PCDH15: variants seen among roughly 807,000 people sequenced by gnomAD.
PCDH15 encodes the protein protocadherin related 15.
In PCDH15, 129 loss-of-function variants were observed where a neutral mutation model predicts 178.5. The ratio of observed to expected loss-of-function variants is 0.72; its 90% CI spans 0.63 to 0.84. The LOEUF is 0.84. PCDH15 is among the 40% of genes least tolerant of loss of function. The pLI is 0.00. For synonymous variants in PCDH15, 800 were observed against 732.0 expected (o/e 1.09, Z -1.50); for missense variants, 2,230 against 2,099.9 (o/e 1.06, Z -1.21).
chr10:54,094,056 T>C (rs2094651077), intron 15 of PCDH15, among the ~76,000 whole-genome samples: 1 of 152,174 alleles, frequency 6.6e-6, no homozygotes, highest in South Asian at 2.1e-4. Flanking sequence ...GGGGAGATTC[T>C]GGAGCCAGCT....
At chr10:54,341,153 C>T (rs1942147798) in intron 6 of PCDH15, among the ~76,000 whole-genome samples, 1 of 152,118 alleles carries the variant, frequency 6.6e-6, no homozygotes. Context: ...TGGTCCTCTC[C>T]TGCCCTGCTC....
intron 2 of PCDH15, among the ~76,000 whole-genome samples, chr10:55,055,992 A>C (rs186269015): frequency 6.6e-6 from 1 of 152,326 alleles, no homozygotes; most frequent in African/African-American, 2.4e-5. Flanking sequence ...CAAATATATT[A>C]ATCAGCGCCC....
At chr10:53,876,486 A>G (rs7086179) in intron 26 of PCDH15, among the ~76,000 whole-genome samples, 96,824 of 151,954 alleles carry the variant, frequency 0.64, 31,563 homozygotes, top group Middle Eastern at 0.78. Context: ...GCGCCCGGCC[A>G]ACTCTTGTAT....
intron 1 of PCDH15, among the ~76,000 whole-genome samples, chr10:55,310,716 C>A (rs905297480): frequency 6.6e-6 from 1 of 152,082 alleles, no homozygotes; most frequent in Non-Finnish European, 1.5e-5. Context: ...TTCATCATAT[C>A]CTTTTCAGGG....
At chr10:53,856,470 G>A (rs2078753468) in intron 28 of PCDH15, among the ~76,000 whole-genome samples, 1 of 151,960 alleles carries the variant, frequency 6.6e-6, no homozygotes, top group South Asian at 2.1e-4. Flanking sequence ...CATATATATT[G>A]CTTAATATTA....
Position 54,475,726 on chromosome 10 carries a change from T to C in PCDH15, c.157+52086A>G, listed in dbSNP as rs76517866. Among the ~76,000 whole-genome samples, 897 of 151,952 alleles carry C rather than the reference T, an allele frequency of 5.9e-3. 39 individuals carry two copies. In the East Asian group the frequency reaches 0.1, roughly 17 times the overall value. ...GGGCAAGAGATTTCTATTAGAAAAC[T>C]GGTATCTGTGATATTTATGGACATA... On this transcript the variant is annotated intron_variant, in intron 3 of 37. Coordinates refer to ENST00000644397, the MANE Select transcript of PCDH15 (RefSeq NM_001384140.1).
chr10:54,001,344 C>T (rs1288472117), intron 20 of PCDH15, among the ~76,000 whole-genome samples: 1 of 151,838 alleles, frequency 6.6e-6, no homozygotes, highest in East Asian at 1.9e-4. Context: ...AGTAGAAAGA[C>T]TAAATTATGA....
At chr10:55,285,827 T>C (rs541727707) in intron 1 of PCDH15, among the ~76,000 whole-genome samples, 2 of 152,104 alleles carry the variant, frequency 1.3e-5, no homozygotes, top group African/African-American at 4.8e-5. Context: ...GGTTCTGGAA[T>C]GGCAAGCTAT....
At chr10:54,730,682 A>C (rs1943213249) in intron 1 of PCDH15, among the ~76,000 whole-genome samples, 1 of 151,554 alleles carries the variant, frequency 6.6e-6, no homozygotes. Flanking sequence ...TCAATAAATG[A>C]TGCTGAGAAA....
chr10:54,316,554 ACACACACACACACACACACAC>A (rs1231502751), intron 8 of PCDH15, among the ~76,000 whole-genome samples: 17 of 114,256 alleles, frequency 1.5e-4, no homozygotes, highest in Non-Finnish European at 2.5e-4. Context: ...ACACACACAC[ACACACACACACACACACACAC>A]AAATACACCT....
intron 2 of PCDH15, among the ~76,000 whole-genome samples, chr10:55,378,773 G>A (rs2131998241): frequency 6.6e-6 from 1 of 150,994 alleles, no homozygotes; most frequent in African/African-American, 2.4e-5. Flanking sequence ...CTAGCATTAG[G>A]GTTTTCAATT....
chr10:54,642,030 C>A (rs2094002192), intron 2 of PCDH15, among the ~76,000 whole-genome samples: 1 of 151,182 alleles, frequency 6.6e-6, no homozygotes, highest in South Asian at 2.1e-4. Context: ...TATTTTAACT[C>A]CCCCCACCCA....
intron 2 of PCDH15, among the ~76,000 whole-genome samples, chr10:55,500,981 T>C (rs1339679782): frequency 6.6e-6 from 1 of 151,770 alleles, no homozygotes; most frequent in Admixed American, 6.6e-5. Flanking sequence ...TAAGGAGATA[T>C]GTTAAAGTCC....
chr10:54,114,297 T>TA (rs2095076383), intron 15 of PCDH15, among the ~76,000 whole-genome samples: 2 of 152,118 alleles, frequency 1.3e-5, no homozygotes, highest in Admixed American at 6.6e-5. Flanking sequence ...ACAGAGTTAG[T>TA]AAAAAACAAG....
chr10:55,228,261 C>A (rs942212498), intron 1 of PCDH15, among the ~76,000 whole-genome samples: 3 of 151,832 alleles, frequency 2.0e-5, no homozygotes, highest in Admixed American at 2.0e-4. Context: ...CTGTTTCAGG[C>A]CATTGTAGCC....
chr10:55,562,471 A>G (rs1047270039), intron 2 of PCDH15, among the ~76,000 whole-genome samples: 2 of 152,008 alleles, frequency 1.3e-5, no homozygotes, highest in Admixed American at 6.6e-5. Context: ...AATGTGAGGC[A>G]TCATGTTCAG....
At chr10:55,238,569 G>A (rs1481117670) in intron 1 of PCDH15, among the ~76,000 whole-genome samples, 2 of 152,062 alleles carry the variant, frequency 1.3e-5, no homozygotes, top group African/African-American at 4.8e-5. Context: ...AATTGACCTT[G>A]AATCAACCAA....
intron 2 of PCDH15, among the ~76,000 whole-genome samples, chr10:55,164,611 C>G (rs1265497604): frequency 6.6e-6 from 1 of 151,938 alleles, no homozygotes; most frequent in Non-Finnish European, 1.5e-5. Context: ...ATAATTCATG[C>G]TCTTGTTGAT....
At position 54,102,957 on chromosome 10, in the gene PCDH15, T is replaced by A. The variant is rs181663563; in HGVS notation, c.1918-12894A>T. On this transcript the variant is annotated intron_variant, in intron 15 of 37. Transcript: ENST00000644397. ...GTCCAGCAGTCCCCAAAATGACTGA[T>A]AATTTCCCTTTCCCCAGTGCACAGT... Among the ~76,000 whole-genome samples the A allele has an allele frequency of 8.5e-4, 129 of 152,314 alleles. 1 individual carries two copies. The highest frequency in any genetic ancestry group is 2.9e-3 in the African/African-American group (119 of 41,572).
Sources: gnomAD v4.1 joint callset for allele counts (sites outside exome capture counted in the v4.1 genomes callset) on GRCh38, gnomAD v4.1.1 for gene constraint, MANE v1.5 for transcripts, NCBI Gene and HGNC (gene_info 2026-07-23, HGNC 2026-07-21) for gene names.